DLG1: variants seen among roughly 807,000 people sequenced by gnomAD.
The protein encoded by DLG1 is disks large homolog 1.
DLG1 carries 42 observed loss-of-function variants against 123.4 expected under a neutral mutation model. The observed-to-expected ratio is 0.34, with a 90% CI of 0.27 to 0.44. The LOEUF is 0.44. DLG1 is among the 20% of genes least tolerant of loss of function. The pLI is 1.00. For synonymous variants in DLG1, 317 were observed against 356.2 expected (o/e 0.89, Z 1.24); for missense variants, 942 against 1,082.6 (o/e 0.87, Z 1.82).
chr3:197,272,169 A>G (rs527659329), intron 4 of DLG1, among the ~76,000 whole-genome samples: 1 of 152,324 alleles, frequency 6.6e-6, no homozygotes, highest in South Asian at 2.1e-4. Flanking sequence ...AATTGATTGT[A>G]GTATTCACAT....
rs374989462 is a variant in DLG1 at position 197,165,011 on chromosome 3, T to C, written c.484-15215A>G. ...CAGTACGAACAGTTTATAAATTATATGGGACATTGCTTATGACAAAACATT... is the reference window on the plus strand; with the variant it reads ...CAGTACGAACAGTTTATAAATTATACGGGACATTGCTTATGACAAAACATT... On this transcript the variant is annotated intron_variant, in intron 5 of 24. Transcript: ENST00000667157. Among the ~76,000 whole-genome samples the C allele has an allele frequency of 4.0e-4, 61 of 152,090 alleles. 1 individual carries two copies. In the South Asian group the frequency reaches 0.012, roughly 30 times the overall value.
intron 5 of DLG1, among the ~76,000 whole-genome samples, chr3:197,159,553 A>G (rs1286323269): frequency 6.6e-6 from 1 of 152,152 alleles, no homozygotes; most frequent in Non-Finnish European, 1.5e-5. Context: ...CTAAATGTAA[A>G]GTAGTGGATC....
intron 4 of DLG1, among the ~76,000 whole-genome samples, chr3:197,223,094 C>T (rs780499806): frequency 1.2e-4 from 18 of 152,172 alleles, no homozygotes; most frequent in Non-Finnish European, 2.1e-4. Flanking sequence ...TTTCTGTTCA[C>T]ATCCACCCCT....
intron 6 of DLG1, among the ~76,000 whole-genome samples, chr3:197,147,195 T>G (rs112501846): frequency 6.6e-6 from 1 of 152,154 alleles, no homozygotes; most frequent in African/African-American, 2.4e-5. Context: ...TTGATGGGAA[T>G]GTAAACTAGT....
intron 11 of DLG1, among the ~76,000 whole-genome samples, chr3:197,124,918 G>C (rs1352800632): frequency 6.6e-6 from 1 of 152,100 alleles, no homozygotes; most frequent in Non-Finnish European, 1.5e-5. Flanking sequence ...TAATGATCCA[G>C]TAGACAGAGG....
At chr3:197,277,139 A>G (rs1766834987) in intron 4 of DLG1, among the ~76,000 whole-genome samples, 2 of 151,272 alleles carry the variant, frequency 1.3e-5, no homozygotes, top group Non-Finnish European at 2.9e-5. Context: ...CGATCTGCCC[A>G]GCTTGGCCTC....
intron 13 of DLG1, among the ~76,000 whole-genome samples, chr3:197,112,973 G>T (rs545877087): frequency 2.1e-3 from 319 of 152,076 alleles, no homozygotes; most frequent in Non-Finnish European, 3.6e-3. Context: ...CCTACTCTAG[G>T]CCTGTGAACA....
In DLG1 at chr3:197,102,032, G is replaced by A. The variant is rs139520193; in HGVS notation, c.1546+2871C>T. The stretch of plus-strand genomic sequence containing the variant: ...TAGGCCTTCCAAAGTGCTGGGATTA[G>A]AGGCCTGAGCCACCACGTCCAGCTA... On this transcript the variant is annotated intron_variant, in intron 14 of 24. Coordinates refer to ENST00000667157, the MANE Select transcript of DLG1 (RefSeq NM_001366207.1). Among the ~76,000 whole-genome samples the A allele has an allele frequency of 1.9e-3, 295 of 152,220 alleles. 2 individuals carry two copies. Among genetic ancestry groups the A allele is most frequent in the Middle Eastern group, 6.8e-3 (2 of 294 alleles).
At chr3:197,052,880 A>G (rs1352239551) in intron 23 of DLG1, among the ~76,000 whole-genome samples, 2 of 152,238 alleles carry the variant, frequency 1.3e-5, no homozygotes, top group South Asian at 4.1e-4. Flanking sequence ...AGATCTTACT[A>G]AAAATTTTAT....
At chr3:197,081,214 T>C in intron 16 of DLG1, 97 bp from the exon 17 acceptor site, 1 of 1,151,132 alleles carries the variant, frequency 8.7e-7, no homozygotes, top group East Asian at 2.5e-5. Flanking sequence ...TGGGCATTTT[T>C]ATACTCTAAA....
At position 197,081,080 on chromosome 3, in the gene DLG1, T is replaced by A; in HGVS notation, c.1876A>T (p.Lys626Ter). 1 of 1,613,442 alleles carries A rather than the reference T, an allele frequency of 6.2e-7. No individual in the cohort carries two copies. Among genetic ancestry groups the A allele is most frequent in the Non-Finnish European group, 8.5e-7 (1 of 1,179,630 alleles). ...KKERARLKTV[K>*]FNSKTRDKGQ... ...TTATCTCTCGTTTTAGAATTGAATT[T>A]CACTGTTTTTAATCGGGCTCGTTCT... The change falls in exon 17 of 25, where the codon AAA (lysine) becomes TAA (stop). Residue 626 changes from lysine to a stop codon, truncating the protein, a stop_gained. Transcript: ENST00000667157. LOFTEE classifies it high-confidence loss of function.
chr3:197,287,376 T>C (rs1040604909), intron 3 of DLG1, among the ~76,000 whole-genome samples: 2 of 152,198 alleles, frequency 1.3e-5, no homozygotes, highest in South Asian at 2.1e-4. Flanking sequence ...TTGAAAGAAT[T>C]TGAATACAGG....
At chr3:197,072,073 T>C (rs1188744434) in intron 18 of DLG1, among the ~76,000 whole-genome samples, 1 of 152,242 alleles carries the variant, frequency 6.6e-6, no homozygotes, top group Non-Finnish European at 1.5e-5. Context: ...TCATAGATAG[T>C]AAGCATTTCC....
At chr3:197,118,987 G>C (rs369559599) in intron 12 of DLG1, among the ~76,000 whole-genome samples, 4 of 152,098 alleles carry the variant, frequency 2.6e-5, no homozygotes, top group African/African-American at 7.2e-5. Flanking sequence ...CTGGGCAACA[G>C]AGTAAGACCC....
At chr3:197,166,862 G>C (rs1302372688) in intron 5 of DLG1, among the ~76,000 whole-genome samples, 1 of 151,604 alleles carries the variant, frequency 6.6e-6, no homozygotes, top group Non-Finnish European at 1.5e-5. Context: ...ATTCCACTCC[G>C]GCCTGGGCAA....
chr3:197,155,504 T>G (rs1310877634), intron 5 of DLG1, among the ~76,000 whole-genome samples: 1 of 151,982 alleles, frequency 6.6e-6, no homozygotes, highest in East Asian at 1.9e-4. Flanking sequence ...GAAATAAAGA[T>G]CTCAGTAAAG....
At position 197,119,924 on chromosome 3, in the gene DLG1, T is replaced by C. The variant is rs116433379; in HGVS notation, c.1166-394A>G. Among the ~76,000 whole-genome samples the C allele has an allele frequency of 8.5e-3, 1,289 of 152,148 alleles. 18 individuals are homozygous for C. Among genetic ancestry groups the C allele is most frequent in the African/African-American group, 0.029 (1,220 of 41,500 alleles). The stretch of plus-strand genomic sequence containing the variant: ...ACATCTATGCTTTTAAATTCACCCA[T>C]AGAAGAATAAAAACCTGGTAAAAAG... On this transcript the variant is annotated intron_variant, in intron 11 of 24. Coordinates refer to ENST00000667157, the MANE Select transcript of DLG1 (RefSeq NM_001366207.1).
chr3:197,143,457 C>A (rs1008008128), intron 6 of DLG1, among the ~76,000 whole-genome samples: 3 of 152,026 alleles, frequency 2.0e-5, no homozygotes, highest in African/African-American at 7.2e-5. Flanking sequence ...GGGGTTTCAC[C>A]GTGTTAGCCA....
intron 3 of DLG1, among the ~76,000 whole-genome samples, chr3:197,291,972 T>A (rs755130806): frequency 3.9e-5 from 6 of 152,218 alleles, no homozygotes; most frequent in Non-Finnish European, 7.3e-5. Context: ...AAAAATTAAG[T>A]ATCGGCAAGG....
Sources: allele counts gnomAD v4.1 joint callset (sites outside exome capture counted in the v4.1 genomes callset), GRCh38; gene constraint gnomAD v4.1.1; transcripts MANE v1.5; gene names NCBI Gene and HGNC (gene_info 2026-07-23, HGNC 2026-07-21).